GRIA3: variants seen among roughly 807,000 people sequenced by gnomAD.
GRIA3 encodes the protein glutamate receptor 3.
GRIA3 carries 3 observed loss-of-function variants against 63.0 expected under a neutral mutation model. The observed-to-expected ratio is 0.05, with a 90% CI of 0.02 to 0.12. GRIA3 has a LOEUF of 0.12. Ranked by LOEUF, GRIA3 falls within the 10% of genes least tolerant of loss-of-function variation. The pLI, the probability that GRIA3 is intolerant of heterozygous loss-of-function variation, is 1.00. For synonymous variants in GRIA3, 274 were observed against 257.9 expected (o/e 1.06, Z -0.60); for missense variants, 347 against 700.9 (o/e 0.50, Z 5.70).
intron 2 of GRIA3, among the ~76,000 whole-genome samples, chrX:123,216,371 T>C (rs1928158717): frequency 8.9e-6 from 1 of 112,428 alleles, no homozygotes; most frequent in South Asian, 3.7e-4. Flanking sequence ...GATGTGAGGT[T>C]TCAGCGATGC....
intron 12 of GRIA3, among the ~76,000 whole-genome samples, chrX:123,441,308 T>C (rs1022237064): frequency 1.8e-5 from 2 of 111,647 alleles, no homozygotes; most frequent in African/African-American, 6.5e-5. Context: ...CATATGTATA[T>C]AAATTTGGGG....
chrX:123,321,234 C>T (rs946480124), intron 3 of GRIA3, among the ~76,000 whole-genome samples: 4 of 112,002 alleles, frequency 3.6e-5, no homozygotes, highest in African/African-American at 6.5e-5. Flanking sequence ...TAGAACATTT[C>T]GAGAGGGCCA....
At position 123,184,655 on chromosome X, in the gene GRIA3, G is replaced by C. The variant is rs779829666; in HGVS notation, c.109+11G>C. 1.8e-6 allele frequency: 2 copies of C among 1,135,109 alleles called. No homozygotes were observed. Among genetic ancestry groups the C allele is most frequent in the South Asian group, 1.8e-5 (1 of 55,231 alleles). 93.5% of individuals were successfully genotyped at this position (1,135,109 alleles called of 1,213,427 possible). ...ACACCATCAGCATAGGTAAGCGCAA[G>C]CGAGCCAGCCGTCGGTCCAGGCTCT... On this transcript the variant is annotated intron_variant, in intron 1 of 15. Coordinates refer to ENST00000620443, the MANE Select transcript of GRIA3 (RefSeq NM_007325.5).
At chrX:123,367,797 T>C (rs988255828) in intron 5 of GRIA3, among the ~76,000 whole-genome samples, 9 of 110,910 alleles carry the variant, frequency 8.1e-5, no homozygotes, top group Non-Finnish European at 1.7e-4. Context: ...GGATGAGGAG[T>C]TCAGGTCAAG....
chrX:123,295,849 G>C (rs775681775), intron 3 of GRIA3, among the ~76,000 whole-genome samples: 18 of 110,651 alleles, frequency 1.6e-4, no homozygotes, highest in Middle Eastern at 4.2e-3. Flanking sequence ...TAGTCCAATT[G>C]CCTATACCTC....
chrX:123,229,387 C>T (rs1388352150), intron 2 of GRIA3, among the ~76,000 whole-genome samples: 4 of 112,268 alleles, frequency 3.6e-5, no homozygotes, highest in African/African-American at 1.3e-4. Context: ...TGAATTTCAT[C>T]ACAGTTACTT....
intron 3 of GRIA3, among the ~76,000 whole-genome samples, chrX:123,286,952 A>G (rs1227170940): frequency 9.0e-6 from 1 of 111,697 alleles, no homozygotes; most frequent in Non-Finnish European, 1.9e-5. Flanking sequence ...CCTGGGACAG[A>G]CACAACAAAA....
chrX:123,462,793 CA>C (rs750563565), intron 12 of GRIA3, among the ~76,000 whole-genome samples: 84 of 111,716 alleles, frequency 7.5e-4, no homozygotes, highest in Non-Finnish European at 1.5e-4. Context: ...GGAAACCCCA[CA>C]AAAAGACATT....
At chrX:123,464,784 TA>T (rs1465790048) in intron 12 of GRIA3, 80 bp from the exon 13 acceptor site, 15,227 of 687,728 alleles carry the variant, frequency 0.022, no homozygotes, top group Non-Finnish European at 0.025. Context: ...GGATTGCAAT[TA>T]AAAAAAAAAA....
intron 3 of GRIA3, among the ~76,000 whole-genome samples, chrX:123,289,082 T>C (rs1313519200): frequency 8.9e-6 from 1 of 111,907 alleles, no homozygotes; most frequent in Non-Finnish European, 1.9e-5. Flanking sequence ...TGGAATACTA[T>C]GCAGCCATAA....
intron 3 of GRIA3, among the ~76,000 whole-genome samples, chrX:123,257,685 GATAGAAGAGA>G (rs2044427609): frequency 3.6e-5 from 1 of 27,945 alleles, no homozygotes; most frequent in African/African-American, 8.0e-5. Context: ...ATATAAGAGA[GATAGAAGAGA>G]AAGAGAAACA....
At chrX:123,332,822 A>T (rs894911727) in intron 4 of GRIA3, among the ~76,000 whole-genome samples, 2 of 111,836 alleles carry the variant, frequency 1.8e-5, no homozygotes, top group Non-Finnish European at 3.8e-5. Context: ...ACCCTGAAGC[A>T]CTAAGTCTGA....
At chrX:123,398,225 A>C (rs1356242716) in intron 6 of GRIA3, among the ~76,000 whole-genome samples, 8 of 111,894 alleles carry the variant, frequency 7.1e-5, no homozygotes, top group African/African-American at 2.6e-4. Flanking sequence ...TTTTCCCCTA[A>C]GTAAACACCA....
At chrX:123,303,585 A>G (rs56723161) in intron 3 of GRIA3, among the ~76,000 whole-genome samples, 2,338 of 110,141 alleles carry the variant, frequency 0.021, 58 homozygotes, top group African/African-American at 0.073. Context: ...ATCGTTACTT[A>G]TTTCAGGCGG....
At chrX:123,410,662 AT>A (rs892104914) in intron 10 of GRIA3, among the ~76,000 whole-genome samples, 3 of 111,936 alleles carry the variant, frequency 2.7e-5, no homozygotes, top group African/African-American at 9.8e-5. Context: ...CAGATGCCAG[AT>A]ATTCTTCAGG....
intron 12 of GRIA3, among the ~76,000 whole-genome samples, chrX:123,456,301 G>C (rs2041399955): frequency 9.0e-6 from 1 of 110,874 alleles, no homozygotes; most frequent in African/African-American, 3.3e-5. Context: ...AATCACCCTG[G>C]CACCCAGAAA....
At chrX:123,474,608 G>A (rs896084070) in intron 13 of GRIA3, among the ~76,000 whole-genome samples, 25 of 111,097 alleles carry the variant, frequency 2.3e-4, no homozygotes, top group Non-Finnish European at 3.0e-4. Context: ...ACTTGAACCC[G>A]GGAGGCGGAG....
chrX:123,433,519 T>C (rs2045629758), intron 12 of GRIA3, among the ~76,000 whole-genome samples: 1 of 112,091 alleles, frequency 8.9e-6, no homozygotes, highest in South Asian at 3.7e-4. Flanking sequence ...TCTTTTTGTA[T>C]TAGTTTTGAT....
chrX:123,462,991 C>T (rs967262394), intron 12 of GRIA3, among the ~76,000 whole-genome samples: 1 of 110,987 alleles, frequency 9.0e-6, no homozygotes, highest in African/African-American at 3.3e-5. Flanking sequence ...GGGCTAGAGG[C>T]ACAGTAAGCA....
Sources: gnomAD v4.1 joint callset for allele counts (sites outside exome capture counted in the v4.1 genomes callset) on GRCh38, gnomAD v4.1.1 for gene constraint, MANE v1.5 for transcripts, NCBI Gene and HGNC (gene_info 2026-07-23, HGNC 2026-07-21) for gene names.